The following COL6A5 variants were observed in gnomAD, a reference collection of about 807,000 sequenced individuals.
The protein encoded by COL6A5 is collagen alpha-5(VI) chain.
In COL6A5, 48 loss-of-function variants were observed where a neutral mutation model predicts 65.6. That is an observed-to-expected ratio of 0.73 (90% CI 0.58 to 0.93). The LOEUF (loss-of-function observed/expected upper bound fraction) is 0.93, where lower values mean the gene tolerates loss of function less well. Ranked by LOEUF, COL6A5 falls within the 40% of genes least tolerant of loss-of-function variation. The pLI, the probability that COL6A5 is intolerant of heterozygous loss-of-function variation, is 0.00. For synonymous variants in COL6A5, 291 were observed against 322.8 expected, an observed-to-expected ratio of 0.90 and a Z score of 1.05; for missense variants, 914 against 928.3, an observed-to-expected ratio of 0.98 and a Z score of 0.20.
rs951508777 is a variant in COL6A5, at chr3:130,418,919, G to T, written c.4938G>T (p.Gln1646His). 6 of 1,550,636 alleles carry T rather than the reference G, an allele frequency of 3.9e-6. No homozygotes were observed. The African/African-American group carries it at 6.9e-5, about 18-fold the overall frequency. The change falls in exon 25 of 42, where the codon CAG becomes CAT. Residue 1646 changes from glutamine (Q) to histidine (H), a missense_variant and NMD_transcript_variant. Gln to His is a conservative substitution (Grantham distance 24). Coordinates refer to the COL6A5 transcript ENST00000312481. Reference sequence around the variant, plus strand: ...TAGGGCCAGTGGGGCAAACTGGGCAGCGAGGAAGACAGGTATGAAGTTTTG... The same window carrying T: ...TAGGGCCAGTGGGGCAAACTGGGCATCGAGGAAGACAGGTATGAAGTTTTG...
At chr3:130,443,251 G>T (rs919070028) in intron 3 of COL6A5, among the ~76,000 whole-genome samples, 1 of 152,084 alleles carries the variant, frequency 6.6e-6, no homozygotes, top group African/African-American at 2.4e-5. Flanking sequence ...AATTTGAGGA[G>T]GTCTGTTTCC....
At chr3:130,378,705 C>A (rs1019069043) in intron 3 of COL6A5, among the ~76,000 whole-genome samples, 1 of 152,132 alleles carries the variant, frequency 6.6e-6, no homozygotes, top group African/African-American at 2.4e-5. Context: ...CGGAATTCCT[C>A]TTCCTTCAGA....
intron 7 of COL6A5, among the ~76,000 whole-genome samples, chr3:130,482,027 T>C (rs931264248): frequency 1.3e-5 from 2 of 152,258 alleles, no homozygotes; most frequent in Non-Finnish European, 2.9e-5. Flanking sequence ...TTTCTTTTGC[T>C]GTGCAGATGC....
intron 1 of COL6A5, among the ~76,000 whole-genome samples, chr3:130,365,476 A>G (rs987057454): frequency 6.6e-6 from 1 of 151,932 alleles, no homozygotes; most frequent in African/African-American, 2.4e-5. Flanking sequence ...ACGGGGTTTC[A>G]CCGTTTTAGC....
chr3:130,380,146 G>A lies in COL6A5; in HGVS notation c.1300+96G>A, dbSNP rs574707059. 7 of 920,526 alleles carry A rather than the reference G, an allele frequency of 7.6e-6. No homozygotes were observed. In the South Asian group the frequency reaches 1.3e-4, roughly 17 times the overall value. 57.0% of individuals were successfully genotyped at this position (920,526 alleles called of 1,614,324 possible). ...GAGGATCAACTGTAATTGGATAAAG[G>A]AACTTTCAGGAGTTGTGGGAATGTT... On this transcript the variant is annotated intron_variant and NMD_transcript_variant, in intron 4 of 41. Coordinates refer to the COL6A5 transcript ENST00000312481.
At chr3:130,405,808 G>C in intron 14 of COL6A5, 149 bp downstream of exon 14, 1 of 900,802 alleles carries the variant, frequency 1.1e-6, no homozygotes, top group Non-Finnish European at 1.7e-6. Context: ...CCTGTCTGCA[G>C]ACTAATTCTG....
intron 4 of COL6A5, among the ~76,000 whole-genome samples, chr3:130,450,494 C>T (rs1263805654): frequency 1.3e-5 from 2 of 152,074 alleles, no homozygotes; most frequent in Admixed American, 6.6e-5. Context: ...CTTCATGGCC[C>T]GTGCCCACAG....
rs190589491 is a variant in COL6A5, at chr3:130,431,639, C to T, written c.179C>T (p.Ser60Leu). The change falls in exon 1 of 8, where the codon TCA (serine) becomes TTA (leucine). Residue 60 changes from serine (S) to leucine (L), a missense_variant. Ser to Leu is a moderately radical substitution (Grantham distance 145, BLOSUM62 -2). Coordinates refer to ENST00000512836, the Ensembl canonical transcript of COL6A5. Reference sequence around the variant, plus strand: ...AGAGTTGCCATGGTTTCCTATAACTCAGGCACCAGCTATCTCATCCGCTGG... The same window carrying T: ...AGAGTTGCCATGGTTTCCTATAACTTAGGCACCAGCTATCTCATCCGCTGG... 529 of 1,551,554 alleles carry T rather than the reference C, an allele frequency of 3.4e-4. 1 individual carries two copies. Among genetic ancestry groups the T allele is most frequent in the Middle Eastern group, 2.7e-3 (16 of 5,990 alleles).
chr3:130,432,502 A>C (rs1937863806), intron 1 of COL6A5, among the ~76,000 whole-genome samples: 1 of 151,716 alleles, frequency 6.6e-6, no homozygotes, highest in Middle Eastern at 3.2e-3. Context: ...GGTGAGCCGA[A>C]ATGGCGCCAC....
chr3:130,353,254 G>C (rs1014711105), intron 1 of COL6A5, among the ~76,000 whole-genome samples: 1 of 152,212 alleles, frequency 6.6e-6, no homozygotes, highest in Non-Finnish European at 1.5e-5. Context: ...TGTTGGACCT[G>C]TCTTTCCTCA....
At chr3:130,405,933 A>G (rs1936973384) in intron 14 of COL6A5, 60 bp from the exon 15 acceptor site, 1 of 1,476,100 alleles carries the variant, frequency 6.8e-7, no homozygotes, top group Non-Finnish European at 9.3e-7. Context: ...TTAGAGAGGC[A>G]GTCTTTGAAT....
In COL6A5 at chr3:130,363,910, T is replaced by G. The variant is rs75675043; in HGVS notation, c.-28-9701T>G. 9.8e-3 allele frequency among the ~76,000 whole-genome samples: 1,496 copies of G among 152,342 alleles called. 16 individuals carry two copies. The highest frequency in any genetic ancestry group is 0.081 in the South Asian group (391 of 4,830). On this transcript the variant is annotated intron_variant and NMD_transcript_variant, in intron 1 of 41. Transcript: ENST00000312481. ...CCAATAAATTGTACTTGTGATTTTC[T>G]GTATCCTCCTGTCTGTCTCTTCAAT...
chr3:130,446,524 G>A lies in COL6A5; in HGVS notation c.1332+2958G>A, dbSNP rs1166927856. Among the ~76,000 whole-genome samples the A allele has an allele frequency of 2.6e-5, 4 of 152,140 alleles. No homozygotes were observed. The East Asian group carries it at 7.7e-4, about 29-fold the overall frequency. Reference sequence around the variant, plus strand: ...TAAGAAGAAAAAGAAAGGTAATCAGGAGAAGTGGGATTAGTTAGATCGGTC... The same window carrying A: ...TAAGAAGAAAAAGAAAGGTAATCAGAAGAAGTGGGATTAGTTAGATCGGTC... On this transcript the variant is annotated intron_variant, in intron 4 of 7. Transcript: ENST00000512836.
upstream of COL6A5, among the ~76,000 whole-genome samples, chr3:130,426,748 G>A (rs1246390149): frequency 1.3e-5 from 2 of 152,056 alleles, no homozygotes; most frequent in Admixed American, 1.3e-4. Flanking sequence ...GGATGATCAT[G>A]GGGGTTTGGG....
In COL6A5 at chr3:130,426,383, G is replaced by A. The variant is rs748298425; in HGVS notation, c.5216G>A (p.Arg1739Gln). The A allele has an allele frequency of 3.0e-5, 47 of 1,551,010 alleles. No individual in the cohort carries two copies. In the Admixed American group the frequency reaches 3.7e-4, roughly 12 times the overall value. ...CATTTACAGCAATGTGATCTGATCC[G>A]GTTTTTGCGGGAACATAGTCGTGAG... Residue 1739 changes from arginine to glutamine, a missense_variant and NMD_transcript_variant, in exon 31 of 42, where the codon CGG becomes CAG. Arg to Gln is a conservative substitution (Grantham distance 43, BLOSUM62 1). Coordinates refer to the COL6A5 transcript ENST00000312481.
intron 1 of COL6A5, among the ~76,000 whole-genome samples, chr3:130,346,963 A>G (rs1299077095): frequency 1.3e-5 from 2 of 152,212 alleles, no homozygotes; most frequent in African/African-American, 4.8e-5. Flanking sequence ...CTGAGATTTC[A>G]TATGAATTAA....
rs549632631 is a variant in COL6A5, at chr3:130,377,482, A to G, written c.667+646A>G. Among the ~76,000 whole-genome samples, 3 of 152,362 alleles carry G rather than the reference A, an allele frequency of 2.0e-5. No homozygotes were observed. In the South Asian group the frequency reaches 6.2e-4, roughly 32 times the overall value. ...ACTCAGTGAGAAGAATGATAACCTT[A>G]GAATGAGACACTATTAGTACATGTT... On this transcript the variant is annotated intron_variant and NMD_transcript_variant, in intron 3 of 41. Coordinates refer to the COL6A5 transcript ENST00000312481.
At chr3:130,481,924 C>T (rs893443252) in intron 7 of COL6A5, among the ~76,000 whole-genome samples, 2 of 151,926 alleles carry the variant, frequency 1.3e-5, no homozygotes, top group Admixed American at 6.6e-5. Flanking sequence ...TGTTTAAGTT[C>T]CTCATAGATT....
chr3:130,354,955 A>G (rs1934869875), intron 1 of COL6A5, among the ~76,000 whole-genome samples: 1 of 152,110 alleles, frequency 6.6e-6, no homozygotes, highest in Non-Finnish European at 1.5e-5. Flanking sequence ...ATAAAGTAAA[A>G]TATCTCATTA....
Sources: gnomAD v4.1 joint callset for allele counts (sites outside exome capture counted in the v4.1 genomes callset) on GRCh38, gnomAD v4.1.1 for gene constraint, MANE v1.5 for transcripts, NCBI Gene and HGNC (gene_info 2026-07-23, HGNC 2026-07-21) for gene names.